The following GABRA1 variants were observed in gnomAD, a reference collection of about 807,000 sequenced individuals.
GABRA1 encodes gamma-aminobutyric acid type A receptor subunit alpha1.
Under a neutral mutation model 48.9 loss-of-function variants are expected in GABRA1, and 9 were observed. That is an observed-to-expected ratio of 0.18 (90% CI 0.11 to 0.32). The LOEUF (loss-of-function observed/expected upper bound fraction) is 0.32, where lower values mean the gene tolerates loss of function less well. Ranked by LOEUF, GABRA1 falls within the 10% of genes least tolerant of loss-of-function variation. The pLI is 1.00. For synonymous variants in GABRA1, 210 were observed against 198.7 expected (o/e 1.06, Z -0.48); for missense variants, 285 against 553.8 (o/e 0.51, Z 4.87).
At chr5:161,848,792 C>G (rs377740393) in intron 1 of GABRA1, 12 of 300,794 alleles carry the variant, frequency 4.0e-5, no homozygotes, top group African/African-American at 1.6e-4. Flanking sequence ...TATTTATTTG[C>G]AAGGGGGAGC....
In GABRA1 at chr5:161,891,025, G is replaced by A. The variant is rs764666718; in HGVS notation, c.831G>A (p.Glu277=). ...AAGTCTCCTTCTGGCTCAACAGAGA[G>A]TCTGTACCAGCAAGAACTGTCTTTG... ...LSQVSFWLNR[E]SVPARTVFGV... is the part of the protein sequence containing the mutation. Residue 277 remains glutamate, a synonymous_variant, in exon 8 of 10, where the codon GAG becomes GAA. Transcript: ENST00000393943. 57 of 1,613,724 alleles carry A rather than the reference G, an allele frequency of 3.5e-5. No homozygotes were observed. In the Admixed American group the frequency reaches 7.8e-4, roughly 22 times the overall value.
At chr5:161,897,044 C>T (rs1755399275) in intron 9 of GABRA1, 67 bp from the exon 10 acceptor site, 2 of 1,483,596 alleles carry the variant, frequency 1.3e-6, no homozygotes, top group Non-Finnish European at 1.9e-6. Context: ...GGCCACCTTG[C>T]TCAGCAACTT....
At chr5:161,848,823 C>A in intron 1 of GABRA1, 1 of 329,764 alleles carries the variant, frequency 3.0e-6, no homozygotes. Context: ...TGGGGAGGGG[C>A]GTCGGGGGCC....
At chr5:161,861,402 A>G (rs1757854985) in intron 3 of GABRA1, among the ~76,000 whole-genome samples, 1 of 151,936 alleles carries the variant, frequency 6.6e-6, no homozygotes, top group Non-Finnish European at 1.5e-5. Flanking sequence ...CCCTATGTCC[A>G]TAGAAACTGC....
rs1377622926 is a variant in GABRA1, at chr5:161,870,602, AAAGAAAGG to A, written c.256-2507_256-2500del. 1.2e-3 allele frequency among the ~76,000 whole-genome samples: 155 copies of A among 131,508 alleles called. 2 individuals are homozygous for A. Among genetic ancestry groups the A allele is most frequent in the African/African-American group, 3.7e-3 (130 of 35,352 alleles). 86.3% of individuals were successfully genotyped at this position (131,508 alleles called of 152,430 possible). A position where few individuals can be genotyped will look rare whatever the true frequency, so the allele number is the denominator to read the frequency against. ...AAAAAGGAAAAAGAAAAAAAGAAAG[AAAGAAAGG>A]AAGAAAGAAAGACAGACAGACAGAA... On this transcript the variant is annotated intron_variant, in intron 4 of 9. Coordinates refer to ENST00000393943, the MANE Select transcript of GABRA1 (RefSeq NM_001127644.2).
chr5:161,870,593 A>AAAAG (rs959712732), intron 4 of GABRA1, among the ~76,000 whole-genome samples: 2 of 150,028 alleles, frequency 1.3e-5, no homozygotes, highest in East Asian at 2.0e-4. Flanking sequence ...GAAAAAGAAA[A>AAAAG]AAAGAAAGAA....
At chr5:161,860,113 G>A (rs1164561140) in intron 3 of GABRA1, among the ~76,000 whole-genome samples, 1 of 151,736 alleles carries the variant, frequency 6.6e-6, no homozygotes, top group African/African-American at 2.4e-5. Flanking sequence ...ACCCCAAGAA[G>A]AATTGTTAAA....
At position 161,887,008 on chromosome 5, in the gene GABRA1, A is replaced by G. The variant is rs116252453; in HGVS notation, c.704-3890A>G. Among the ~76,000 whole-genome samples the G allele has an allele frequency of 8.8e-3, 1,346 of 152,250 alleles. 25 individuals are homozygous for G. Among genetic ancestry groups the G allele is most frequent in the African/African-American group, 0.03 (1,236 of 41,546 alleles). ...GAAATATAACTTATAAAGAAAAACA[A>G]AATAATGAAATTGATCACGAAGCAT... On this transcript the variant is annotated intron_variant, in intron 7 of 9. Transcript: ENST00000393943.
At chr5:161,894,775 A>G (rs1178528469) in intron 8 of GABRA1, among the ~76,000 whole-genome samples, 1 of 152,196 alleles carries the variant, frequency 6.6e-6, no homozygotes, top group Non-Finnish European at 1.5e-5. Flanking sequence ...ATTAGAGGGT[A>G]TCATCTTTCT....
At chr5:161,878,285 A>G (rs1292052047) in intron 6 of GABRA1, among the ~76,000 whole-genome samples, 2 of 152,182 alleles carry the variant, frequency 1.3e-5, no homozygotes, top group Admixed American at 6.6e-5. Flanking sequence ...CTTAGCGGAA[A>G]AGAACACCAT....
intron 2 of GABRA1, among the ~76,000 whole-genome samples, chr5:161,852,699 T>C (rs1231801999): frequency 6.6e-6 from 1 of 151,990 alleles, no homozygotes; most frequent in African/African-American, 2.4e-5. Flanking sequence ...TCAATCTGCA[T>C]GGCATCAATG....
chr5:161,878,103 A>G (rs1019352428), intron 6 of GABRA1, among the ~76,000 whole-genome samples: 2 of 152,208 alleles, frequency 1.3e-5, no homozygotes, highest in Non-Finnish European at 2.9e-5. Flanking sequence ...TTCCTAGCAC[A>G]AAGGCAAATA....
chr5:161,848,755 G>A, intron 1 of GABRA1: 3 of 290,040 alleles, frequency 1.0e-5, no homozygotes, highest in South Asian at 2.7e-5. Flanking sequence ...GTGGGTGGTG[G>A]CATGTTGTTT....
chr5:161,857,686 A>AC (rs1428004057), intron 3 of GABRA1, among the ~76,000 whole-genome samples: 1 of 151,626 alleles, frequency 6.6e-6, no homozygotes, highest in African/African-American at 2.4e-5. Flanking sequence ...AAAGAGAAAA[A>AC]TAAGATAGCT....
At chr5:161,896,376 A>G (rs943503830) in intron 9 of GABRA1, among the ~76,000 whole-genome samples, 4 of 152,178 alleles carry the variant, frequency 2.6e-5, no homozygotes, top group Non-Finnish European at 4.4e-5. Context: ...TCTCTTTCCA[A>G]AATAGACATA....
chr5:161,879,853 T>G (rs1391278474), intron 6 of GABRA1, among the ~76,000 whole-genome samples: 1 of 152,114 alleles, frequency 6.6e-6, no homozygotes, highest in Non-Finnish European at 1.5e-5. Context: ...GGTAACACAT[T>G]TTTCCCCCTC....
At chr5:161,856,105 A>G (rs1757634578) in intron 3 of GABRA1, among the ~76,000 whole-genome samples, 1 of 151,326 alleles carries the variant, frequency 6.6e-6, no homozygotes, top group East Asian at 1.9e-4. Context: ...CCATTCATCA[A>G]ATAAATTTTA....
At position 161,898,629 on chromosome 5, in the gene GABRA1, A is replaced by C. The variant is rs1038398527; in HGVS notation, c.*1207A>C. 3 of 152,358 alleles carry C rather than the reference A, an allele frequency of 2.0e-5. No individual in the cohort carries two copies. Among genetic ancestry groups the C allele is most frequent in the African/African-American group, 7.2e-5 (3 of 41,450 alleles). The allele number at this position is 152,358 out of a possible 1,614,324, so 9.4% of individuals were successfully genotyped here. On this transcript the variant is annotated 3_prime_UTR_variant, in exon 10 of 10. Transcript: ENST00000393943. Reference sequence around the variant, plus strand: ...GTGTGAAGTCCACTTATGTAGACAAAACTTATAATTTCCAAACTGTTGTCT... The same window carrying C: ...GTGTGAAGTCCACTTATGTAGACAACACTTATAATTTCCAAACTGTTGTCT...
At position 161,879,563 on chromosome 5, in the gene GABRA1, A is replaced by G. The variant is rs76006339; in HGVS notation, c.560-2995A>G. 2.4e-3 allele frequency among the ~76,000 whole-genome samples: 364 copies of G among 152,206 alleles called. 8 individuals are homozygous for G. In the East Asian group the frequency reaches 0.052, roughly 22 times the overall value. ...GGTCAAGTACATTTTCATAGGAACT[A>G]TTTTCTGGTTACTAAAATTTAAGGA... On this transcript the variant is annotated intron_variant, in intron 6 of 9. Transcript: ENST00000393943.
Sources: allele counts gnomAD v4.1 joint callset (sites outside exome capture counted in the v4.1 genomes callset), GRCh38; gene constraint gnomAD v4.1.1; transcripts MANE v1.5; gene names NCBI Gene and HGNC (gene_info 2026-07-23, HGNC 2026-07-21).